TTC39C: variants seen among roughly 807,000 people sequenced by gnomAD.
TTC39C encodes the protein tetratricopeptide repeat domain 39C.
In TTC39C, 33 loss-of-function variants were observed where a neutral mutation model predicts 76.3. The ratio of observed to expected loss-of-function variants is 0.43; its 90% CI spans 0.33 to 0.58. The LOEUF (loss-of-function observed/expected upper bound fraction) is 0.58, where lower values mean the gene tolerates loss of function less well. Among genes scored for constraint, TTC39C ranks in the 20% least tolerant of loss-of-function variants. TTC39C has a pLI of 0.04. For synonymous variants in TTC39C, 254 were observed against 260.6 expected, an observed-to-expected ratio of 0.97 and a Z score of 0.24; for missense variants, 595 against 701.4, an observed-to-expected ratio of 0.85 and a Z score of 1.71.
At chr18:24,059,418 A>G (rs113774003) in intron 1 of TTC39C, among the ~76,000 whole-genome samples, 4 of 152,160 alleles carry the variant, frequency 2.6e-5, no homozygotes, top group African/African-American at 7.2e-5. Flanking sequence ...CTATGTGTCC[A>G]TATGTTCTCA....
At chr18:24,106,446 C>T (rs1267340975) in intron 6 of TTC39C, among the ~76,000 whole-genome samples, 2 of 85,862 alleles carry the variant, frequency 2.3e-5, no homozygotes, top group South Asian at 3.9e-4. Context: ...AGGCTGCAGG[C>T]GGGGTGGGTG....
chr18:24,077,736 C>A (rs529881200), intron 4 of TTC39C, among the ~76,000 whole-genome samples: 242 of 152,272 alleles, frequency 1.6e-3, no homozygotes, highest in African/African-American at 5.5e-3. Context: ...CAATTAGATT[C>A]CAATTGCCTC....
chr18:24,045,979 C>G (rs1417006591), intron 1 of TTC39C, among the ~76,000 whole-genome samples: 1 of 117,344 alleles, frequency 8.5e-6, no homozygotes, highest in Non-Finnish European at 1.6e-5. Flanking sequence ...TGCTCTGTCA[C>G]CCAGGCTGGA....
At chr18:24,089,447 C>A (rs984100406) in intron 6 of TTC39C, among the ~76,000 whole-genome samples, 2 of 152,126 alleles carry the variant, frequency 1.3e-5, no homozygotes. Flanking sequence ...AAGGAGGTTT[C>A]TGTTTATTTT....
At position 24,110,671 on chromosome 18, in the gene TTC39C, G is replaced by A. The variant is rs2084797743; in HGVS notation, c.985-3883G>A. Among the ~76,000 whole-genome samples the A allele has an allele frequency of 2.0e-5, 3 of 152,322 alleles. No individual in the cohort carries two copies. The South Asian group carries it at 6.2e-4, about 32-fold the overall frequency. ...TACCTAGGAATATACCTACAAGAGG[G>A]CAGGCTGGAATAACTGGAAAAATAT... On this transcript the variant is annotated intron_variant, in intron 6 of 13. Transcript: ENST00000317571.
rs369648033 is a variant in TTC39C at position 24,091,781 on chromosome 18, A to G, written c.984+8700A>G. Among the ~76,000 whole-genome samples, 557 of 152,268 alleles carry G rather than the reference A, an allele frequency of 3.7e-3. 2 individuals carry two copies. Among genetic ancestry groups the G allele is most frequent in the African/African-American group, 0.013 (547 of 41,548 alleles). Reference sequence around the variant, plus strand: ...ACTGTTACAACTCAATAATAAAAAGACAAGCCAATTTAAAAATGGACAATG... The same window carrying G: ...ACTGTTACAACTCAATAATAAAAAGGCAAGCCAATTTAAAAATGGACAATG... On this transcript the variant is annotated intron_variant, in intron 6 of 13. Coordinates refer to ENST00000317571, the MANE Select transcript of TTC39C (RefSeq NM_001135993.2).
intron 6 of TTC39C, among the ~76,000 whole-genome samples, chr18:24,097,154 C>T (rs572900574): frequency 1.3e-5 from 2 of 152,280 alleles, no homozygotes; most frequent in African/African-American, 2.4e-5. Context: ...TGCTGCTAAA[C>T]CTTTGGCTAA....
At chr18:24,038,137 A>G (rs2083752741) in intron 1 of TTC39C, among the ~76,000 whole-genome samples, 1 of 152,192 alleles carries the variant, frequency 6.6e-6, no homozygotes, top group Admixed American at 6.5e-5. Context: ...TTATTTTCAT[A>G]TATAAACTGT....
At chr18:24,096,842 C>T (rs2084596311) in intron 6 of TTC39C, among the ~76,000 whole-genome samples, 1 of 152,204 alleles carries the variant, frequency 6.6e-6, no homozygotes, top group South Asian at 2.1e-4. Context: ...AACATAAGCT[C>T]TACCAAGTTC....
chr18:24,080,448 G>A (rs2084362385), intron 4 of TTC39C, 137 bp from the exon 5 acceptor site: 2 of 649,060 alleles, frequency 3.1e-6, no homozygotes, highest in African/African-American at 1.8e-5. Flanking sequence ...AGAACACTGG[G>A]TACAACAATA....
chr18:24,022,659 G>A, intron 1 of TTC39C: 5 of 985,414 alleles, frequency 5.1e-6, no homozygotes, highest in Non-Finnish European at 6.0e-6. Flanking sequence ...CCCCCAGAGA[G>A]ATCTGTCTTC....
chr18:24,059,403 C>T (rs2084061466), intron 1 of TTC39C, among the ~76,000 whole-genome samples: 1 of 152,150 alleles, frequency 6.6e-6, no homozygotes, highest in Non-Finnish European at 1.5e-5. Flanking sequence ...GTCTGTTGTT[C>T]CCCTCTATGT....
At chr18:23,998,100 A>C (rs935198607) in intron 1 of TTC39C, among the ~76,000 whole-genome samples, 11 of 152,198 alleles carry the variant, frequency 7.2e-5, no homozygotes, top group African/African-American at 2.7e-4. Flanking sequence ...GGCTTTCCCC[A>C]CACACTAGCT....
intron 6 of TTC39C, among the ~76,000 whole-genome samples, chr18:24,090,270 T>C (rs1007382480): frequency 2.6e-5 from 4 of 152,172 alleles, no homozygotes; most frequent in African/African-American, 4.8e-5. Flanking sequence ...GTGGTAGCAT[T>C]GCTAAAATCA....
intron 10 of TTC39C, chr18:24,125,793 A>ATTCTGT: frequency 4.5e-6 from 2 of 441,330 alleles, no homozygotes; most frequent in Non-Finnish European, 8.1e-6. Context: ...TTTTGTTATA[A>ATTCTGT]ATGTTATTAA....
Position 24,132,615 on chromosome 18 carries a change from C to A in TTC39C, c.*41C>A. On this transcript the variant is annotated 3_prime_UTR_variant, in exon 14 of 14. Transcript: ENST00000317571. The stretch of plus-strand genomic sequence containing the variant: ...CGCTCCGTCCCTCCCCACCCAGGGT[C>A]CGCACTTTAAAATAAAAGCAGAGGA... 6.4e-7 allele frequency: 1 copy of A among 1,553,276 alleles called. No individual in the cohort carries two copies. Among genetic ancestry groups the A allele is most frequent in the Non-Finnish European group, 8.8e-7 (1 of 1,135,832 alleles).
chr18:24,131,933 A>C lies in TTC39C; in HGVS notation c.1662+13A>C. On this transcript the variant is annotated intron_variant, in intron 13 of 13. Transcript: ENST00000317571. ...TCTTCAAGCAAAGGTAAATATCCTG[A>C]ATCTACCTTTCTCCAGTGGCCCTTC... 1 of 1,612,208 alleles carries C rather than the reference A, an allele frequency of 6.2e-7. No homozygotes were observed. Among genetic ancestry groups the C allele is most frequent in the Non-Finnish European group, 8.5e-7 (1 of 1,178,970 alleles).
intron 4 of TTC39C, among the ~76,000 whole-genome samples, chr18:24,072,684 A>C (rs2084256539): frequency 6.6e-6 from 1 of 152,190 alleles, no homozygotes; most frequent in Non-Finnish European, 1.5e-5. Flanking sequence ...AATTTCCCAT[A>C]CTACTTTATA....
chr18:24,097,649 G>A (rs1171532457), intron 6 of TTC39C, among the ~76,000 whole-genome samples: 1 of 151,494 alleles, frequency 6.6e-6, no homozygotes, highest in South Asian at 2.1e-4. Context: ...TAGATGGTCT[G>A]CCACCATGGG....
Sources: allele counts gnomAD v4.1 joint callset (sites outside exome capture counted in the v4.1 genomes callset), GRCh38; gene constraint gnomAD v4.1.1; transcripts MANE v1.5; gene names NCBI Gene and HGNC (gene_info 2026-07-23, HGNC 2026-07-21).